Variants in FBXW10 observed in about 807,000 individuals in gnomAD.
FBXW10 encodes the protein F-box/WD repeat-containing protein 10.
Under a neutral mutation model 113.1 loss-of-function variants are expected in FBXW10, and 68 were observed. The ratio of observed to expected loss-of-function variants is 0.60; its 90% CI spans 0.49 to 0.74. FBXW10 has a LOEUF of 0.74. FBXW10 is among the 30% of genes least tolerant of loss of function. The probability of loss-of-function intolerance (pLI) is 0.00; values close to 1 mark genes in which losing one functional copy is unlikely to be tolerated. For missense variants in FBXW10, 753 were observed against 1,284.5 expected (o/e 0.59, Z 6.32); for synonymous variants, 289 against 481.6 (o/e 0.60, Z 5.24).
rs748805688 is a variant in FBXW10 at position 18,770,049 on chromosome 17, G to A, written c.1970G>A (p.Gly657Asp). The A allele has an allele frequency of 6.2e-7, 1 of 1,614,208 alleles. No individual in the cohort carries two copies. Among genetic ancestry groups the A allele is most frequent in the South Asian group, 1.1e-5 (1 of 91,088 alleles). ...CMKVLKANGR[G>D]DPVLSFFIQG... ...AAGGTGTTAAAAGCCAATGGCAGAG[G>A]TGATCCTGTGCTGTCCTTCTTTATT... The change falls in exon 11 of 14, where the codon GGT becomes GAT. Residue 657 changes from glycine to aspartate, a missense_variant. By Grantham distance (94) the Gly-to-Asp change is moderately conservative (BLOSUM62 -1). Coordinates refer to ENST00000395665, the MANE Select transcript of FBXW10 (RefSeq NM_001267585.2).
chr17:18,772,172 A>G (rs902222763), intron 11 of FBXW10, among the ~76,000 whole-genome samples: 2 of 152,196 alleles, frequency 1.3e-5, no homozygotes, highest in South Asian at 2.1e-4. Flanking sequence ...CAATCGGAAC[A>G]TATGTGCCCC....
At chr17:18,770,307 T>TG (rs1491359913) in intron 11 of FBXW10, among the ~76,000 whole-genome samples, 1 of 4,100 alleles carries the variant, frequency 2.4e-4, no homozygotes, top group East Asian at 3.0e-3. Flanking sequence ...TCATTTTGAC[T>TG]TTTTTTTTTT....
In FBXW10 at chr17:18,772,404, G is replaced by C. The variant is rs755767902; in HGVS notation, c.2007-8G>C. The C allele has an allele frequency of 1.2e-6, 2 of 1,611,360 alleles. No homozygotes were observed. The highest frequency in any genetic ancestry group is 2.7e-5 in the African/African-American group (2 of 74,712). On this transcript the variant is annotated splice_polypyrimidine_tract_variant and splice_region_variant and intron_variant, in intron 11 of 13. Coordinates refer to ENST00000395665, the MANE Select transcript of FBXW10 (RefSeq NM_001267585.2). ...CTTTTGTGGACAACCCTGTTGTTTC[G>C]GTTCCAGGATGGTGGTCAACACAGA... is the stretch of plus-strand genomic sequence containing the variant.
At position 18,747,962 on chromosome 17, in the gene FBXW10, A is replaced by G. The variant is rs2035072120; in HGVS notation, c.527A>G (p.Asp176Gly). Residue 176 changes from aspartate to glycine, a missense_variant, in exon 2 of 14, where the codon GAT becomes GGT. Transcript: ENST00000395665. ...NISGLNQDITDVCFSPEKDHS... is the reference protein window; with the variant it reads ...NISGLNQDITGVCFSPEKDHS... The stretch of plus-strand genomic sequence containing the variant: ...TCAGGGCTCAATCAAGACATCACAG[A>G]TGTGTGTTTTTCCCCTGAGAAAGAC... 6.2e-7 allele frequency: 1 copy of G among 1,613,754 alleles called. No homozygotes were observed. The highest frequency in any genetic ancestry group is 1.3e-5 in the African/African-American group (1 of 74,884).
chr17:18,754,225 T>G (rs1199176460), intron 5 of FBXW10, among the ~76,000 whole-genome samples: 2 of 151,716 alleles, frequency 1.3e-5, no homozygotes, highest in Non-Finnish European at 2.9e-5. Flanking sequence ...TCCCAATGAC[T>G]CCACCATGTG....
intron 1 of FBXW10, among the ~76,000 whole-genome samples, chr17:18,746,395 C>T (rs1411859137): frequency 6.6e-6 from 1 of 152,086 alleles, no homozygotes; most frequent in Non-Finnish European, 1.5e-5. Flanking sequence ...GGGGTGGTCA[C>T]ATGGAGGCGT....
intron 5 of FBXW10, among the ~76,000 whole-genome samples, chr17:18,753,097 C>A (rs1288394205): frequency 1.3e-5 from 2 of 152,300 alleles, no homozygotes; most frequent in Non-Finnish European, 2.9e-5. Flanking sequence ...TAGTCTCATG[C>A]ATTTCAAGGA....
At position 18,748,079 on chromosome 17, in the gene FBXW10, A is replaced by C. The variant is rs759554633; in HGVS notation, c.644A>C (p.His215Pro). ...TTGTCCAAAGCCCCAGAAAATGAAC[A>C]CTTGCTTGGGGCAGCATCTAACCCT... ...LPLSKAPENE[H>P]LLGAASNPEE... The change falls in exon 2 of 14, where the codon CAC becomes CCC. Residue 215 changes from histidine (H) to proline (P), a missense_variant. His to Pro is a moderately conservative substitution (Grantham distance 77). Transcript: ENST00000395665. The C allele has an allele frequency of 1.4e-5, 23 of 1,613,762 alleles. No homozygotes were observed. In the South Asian group the frequency reaches 2.5e-4, roughly 18 times the overall value.
intron 5 of FBXW10, among the ~76,000 whole-genome samples, chr17:18,755,810 A>G (rs1168205030): frequency 6.6e-6 from 1 of 152,132 alleles, no homozygotes; most frequent in Non-Finnish European, 1.5e-5. Flanking sequence ...ATCAGGGCAC[A>G]TGGAAAATCA....
chr17:18,768,334 A>T (rs1051257650), intron 9 of FBXW10, among the ~76,000 whole-genome samples, 200 bp from the exon 10 acceptor site: 1 of 151,992 alleles, frequency 6.6e-6, no homozygotes, highest in Admixed American at 6.6e-5. Flanking sequence ...CCAAAGTGCT[A>T]GGATTACAGG....
Position 18,756,765 on chromosome 17 carries a change from C to T in FBXW10, c.1232+611C>T, listed in dbSNP as rs867779248. 3.9e-5 allele frequency among the ~76,000 whole-genome samples: 6 copies of T among 152,190 alleles called. No homozygotes were observed. The South Asian group carries it at 1.2e-3, about 31-fold the overall frequency. ...TGAGAGACGAAGTTCCTTTAATAAG[C>T]AACTTTCTGCCATATTTTGGGCCTA... On this transcript the variant is annotated intron_variant, in intron 6 of 13. Transcript: ENST00000395665.
chr17:18,758,230 G>A (rs2035304835), intron 6 of FBXW10, 75 bp from the exon 7 acceptor site: 6 of 1,251,400 alleles, frequency 4.8e-6, no homozygotes, highest in Non-Finnish European at 6.6e-6. Flanking sequence ...GTAGGCAAAA[G>A]TCATGGGGCT....
chr17:18,744,278 C>A lies in FBXW10; in HGVS notation c.34C>A (p.Pro12Thr). The A allele has an allele frequency of 6.2e-7, 1 of 1,610,676 alleles. No homozygotes were observed. The highest frequency in any genetic ancestry group is 8.5e-7 in the Non-Finnish European group (1 of 1,178,718). ...CCTGGAATCAAGGCTCAAGAATGCCCCCTATTTTCGTTGTGAGAAGGGAAC... is the reference window on the plus strand; with the variant it reads ...CCTGGAATCAAGGCTCAAGAATGCCACCTATTTTCGTTGTGAGAAGGGAAC... Reference protein sequence around the residue: ...ENLESRLKNAPYFRCEKGTDS... With the variant: ...ENLESRLKNATYFRCEKGTDS... The change falls in exon 1 of 14, where the codon CCC becomes ACC. Residue 12 changes from proline (P) to threonine (T), a missense_variant. Coordinates refer to ENST00000395665, the MANE Select transcript of FBXW10 (RefSeq NM_001267585.2).
intron 1 of FBXW10, 33 bp downstream of exon 1, chr17:18,744,782 C>T (rs761939225): frequency 1.7e-5 from 27 of 1,599,606 alleles, no homozygotes; most frequent in Middle Eastern, 3.3e-4. Context: ...ACTAGAGGGC[C>T]CCCGAAGACC....
intron 8 of FBXW10, among the ~76,000 whole-genome samples, chr17:18,765,814 C>A (rs572087913): frequency 6.6e-6 from 1 of 152,166 alleles, no homozygotes; most frequent in South Asian, 2.1e-4. Flanking sequence ...GCAACCTCTG[C>A]CTCCCGGGTT....
chr17:18,767,483 T>C (rs1484841442), intron 9 of FBXW10, among the ~76,000 whole-genome samples: 1 of 149,068 alleles, frequency 6.7e-6, no homozygotes, highest in Non-Finnish European at 1.5e-5. Context: ...GGTGAGGGGA[T>C]GAACAAAGCA....
At position 18,777,381 on chromosome 17, in the gene FBXW10, T is replaced by C. The variant is rs9674521; in HGVS notation, c.2336-1094T>C. Among the ~76,000 whole-genome samples the C allele has an allele frequency of 5.3e-3, 807 of 151,580 alleles. 6 individuals are homozygous for C. Among genetic ancestry groups the C allele is most frequent in the African/African-American group, 0.019 (765 of 41,350 alleles). ...ACCCAGCCTGAAGACAGGTTTTATT[T>C]TGGGCAACATTCAAGATTACTTGGA... On this transcript the variant is annotated intron_variant, in intron 13 of 13. Coordinates refer to ENST00000395665, the MANE Select transcript of FBXW10 (RefSeq NM_001267585.2).
At chr17:18,760,006 G>T (rs886979965) in intron 7 of FBXW10, among the ~76,000 whole-genome samples, 1 of 152,114 alleles carries the variant, frequency 6.6e-6, no homozygotes, top group African/African-American at 2.4e-5. Flanking sequence ...GTTTTTTAAA[G>T]GTATATTCTT....
intron 1 of FBXW10, chr17:18,745,184 G>C (rs1181512461): frequency 9.9e-7 from 1 of 1,008,258 alleles, no homozygotes; most frequent in East Asian, 9.9e-5. Flanking sequence ...TCAAAACTTA[G>C]GGCTTTTTTT....
Sources: allele counts gnomAD v4.1 joint callset (sites outside exome capture counted in the v4.1 genomes callset), GRCh38; gene constraint gnomAD v4.1.1; transcripts MANE v1.5; gene names NCBI Gene and HGNC (gene_info 2026-07-23, HGNC 2026-07-21).